LPP: variants seen among roughly 807,000 people sequenced by gnomAD.
LPP encodes LIM domain containing preferred translocation partner in lipoma.
Under a neutral mutation model 60.4 loss-of-function variants are expected in LPP, and 38 were observed. That is an observed-to-expected ratio of 0.63 (90% CI 0.49 to 0.83). The LOEUF is 0.83. LPP is among the 40% of genes least tolerant of loss of function. The probability of loss-of-function intolerance (pLI) is 0.00; values close to 1 mark genes in which losing one functional copy is unlikely to be tolerated. For missense variants in LPP, 902 were observed against 783.6 expected, an observed-to-expected ratio of 1.15 and a Z score of -1.80; for synonymous variants, 328 against 290.8, an observed-to-expected ratio of 1.13 and a Z score of -1.30.
At chr3:188,671,594 T>C (rs1052386104) in intron 7 of LPP, among the ~76,000 whole-genome samples, 20 of 152,220 alleles carry the variant, frequency 1.3e-4, no homozygotes, top group Non-Finnish European at 5.9e-5. Context: ...ATCTGCTCCA[T>C]GGCCCCCTTT....
chr3:188,159,189 G>A (rs1021390270), intron 1 of LPP, among the ~76,000 whole-genome samples: 1 of 152,092 alleles, frequency 6.6e-6, no homozygotes, highest in African/African-American at 2.4e-5. Flanking sequence ...TTGATCTCAC[G>A]GCTCCGGTAA....
intron 7 of LPP, among the ~76,000 whole-genome samples, chr3:188,681,082 C>T (rs973568849): frequency 6.6e-6 from 1 of 151,310 alleles, no homozygotes; most frequent in Admixed American, 6.6e-5. Flanking sequence ...CTGCAATCAC[C>T]GCCTCCTGGG....
chr3:188,647,421 A>G (rs1427229889), intron 7 of LPP, among the ~76,000 whole-genome samples: 1 of 152,098 alleles, frequency 6.6e-6, no homozygotes, highest in Non-Finnish European at 1.5e-5. Flanking sequence ...AGGACTGTAA[A>G]CAGAAGACTT....
At chr3:188,607,570 C>T (rs1329720070) in intron 6 of LPP, among the ~76,000 whole-genome samples, 2 of 151,782 alleles carry the variant, frequency 1.3e-5, no homozygotes, top group African/African-American at 4.8e-5. Context: ...CAATTAAATA[C>T]ATAGTGAATC....
In LPP at chr3:188,610,327, G is replaced by C. The variant is rs1843427327; in HGVS notation, c.1113+483G>C. Among the ~76,000 whole-genome samples, 1 of 152,162 alleles carries C rather than the reference G, an allele frequency of 6.6e-6. No individual in the cohort carries two copies. Among genetic ancestry groups the C allele is most frequent in the African/African-American group, 2.4e-5 (1 of 41,432 alleles). ...ACTGAGTGAACTGCTGTCAGGCTGTGGCCCTGTGAAGGCGATTATAACTCC... is the reference window on the plus strand; with the variant it reads ...ACTGAGTGAACTGCTGTCAGGCTGTCGCCCTGTGAAGGCGATTATAACTCC... On this transcript the variant is annotated intron_variant, in intron 7 of 11. Transcript: ENST00000617246. This position sits in a 1 kb window ranked among gnomAD's most constrained non-coding sequence, Gnocchi z 4.4.
intron 4 of LPP, among the ~76,000 whole-genome samples, chr3:188,478,970 T>A (rs1314860391): frequency 1.3e-5 from 2 of 152,100 alleles, no homozygotes; most frequent in Non-Finnish European, 2.9e-5. Flanking sequence ...CCCAGGCTGG[T>A]CTTGAACTCC....
At chr3:188,463,436 A>T (rs2149456604) in intron 4 of LPP, among the ~76,000 whole-genome samples, 1 of 151,850 alleles carries the variant, frequency 6.6e-6, no homozygotes, top group Middle Eastern at 3.4e-3. Flanking sequence ...CCTCAGGTTG[A>T]TCCTCAAGTG....
chr3:188,450,106 A>G (rs1361830742), intron 4 of LPP, among the ~76,000 whole-genome samples: 1 of 152,198 alleles, frequency 6.6e-6, no homozygotes, highest in African/African-American at 2.4e-5. Flanking sequence ...CCCAACCTGT[A>G]TTATGAATTA....
intron 4 of LPP, among the ~76,000 whole-genome samples, chr3:188,462,244 A>T (rs1316742752): frequency 6.6e-6 from 1 of 151,396 alleles, no homozygotes; most frequent in African/African-American, 2.4e-5. Context: ...TATTATTATT[A>T]TTATTATTCT....
chr3:188,510,901 C>A (rs966497019), intron 5 of LPP, among the ~76,000 whole-genome samples: 14 of 152,058 alleles, frequency 9.2e-5, no homozygotes, highest in African/African-American at 3.4e-4. Context: ...TCTCATTTTG[C>A]TTTTTTCTCG....
intron 1 of LPP, among the ~76,000 whole-genome samples, chr3:188,201,313 G>T (rs1731016786): frequency 6.6e-6 from 1 of 152,216 alleles, no homozygotes; most frequent in Non-Finnish European, 1.5e-5. Context: ...CCAGGGAAGA[G>T]AGATTATTCT....
intron 3 of LPP, among the ~76,000 whole-genome samples, chr3:188,357,712 AAC>A (rs1025044441): frequency 6.6e-6 from 1 of 152,246 alleles, no homozygotes; most frequent in African/African-American, 2.4e-5. Context: ...GTTTAAATAA[AAC>A]AGAAAGCATT....
intron 5 of LPP, among the ~76,000 whole-genome samples, chr3:188,488,020 CTTTT>C (rs5855202): frequency 2.2e-5 from 3 of 136,348 alleles, no homozygotes; most frequent in Non-Finnish European, 1.6e-5. Flanking sequence ...AATTAATTTC[CTTTT>C]TTTTTTTTTT....
chr3:188,790,254 A>G (rs1010392971), intron 9 of LPP, among the ~76,000 whole-genome samples: 4 of 152,178 alleles, frequency 2.6e-5, no homozygotes, highest in African/African-American at 9.7e-5. Context: ...TTTAGGAAAA[A>G]ACAAGGTACA....
chr3:188,588,198 G>A (rs1463387071), intron 6 of LPP, among the ~76,000 whole-genome samples: 1 of 152,108 alleles, frequency 6.6e-6, no homozygotes, highest in East Asian at 1.9e-4. Context: ...TGCAAGCTGT[G>A]TTTTTCAAGA....
At chr3:188,623,099 T>TA (rs11281113) in intron 7 of LPP, among the ~76,000 whole-genome samples, 14 of 149,742 alleles carry the variant, frequency 9.3e-5, no homozygotes, top group South Asian at 2.1e-4. Flanking sequence ...CCCCCATGAT[T>TA]GTATGGATGA....
chr3:188,729,282 G>T (rs1719561590), intron 8 of LPP, among the ~76,000 whole-genome samples: 1 of 152,206 alleles, frequency 6.6e-6, no homozygotes, highest in Admixed American at 6.5e-5. Flanking sequence ...GGACAAGGAA[G>T]GATAGAGAGT....
intron 8 of LPP, among the ~76,000 whole-genome samples, chr3:188,713,878 T>C (rs1423893807): frequency 6.6e-6 from 1 of 152,246 alleles, no homozygotes; most frequent in African/African-American, 2.4e-5. Flanking sequence ...ACAGTGGGTC[T>C]TTGAAATTTC....
chr3:188,497,305 G>C (rs550344300), intron 5 of LPP, among the ~76,000 whole-genome samples: 33 of 152,204 alleles, frequency 2.2e-4, no homozygotes, highest in African/African-American at 7.0e-4. Context: ...TGGTATGATA[G>C]TATGATAATT....
Sources: gnomAD v4.1 joint callset for allele counts (sites outside exome capture counted in the v4.1 genomes callset) on GRCh38, gnomAD v4.1.1 for gene constraint, Gnocchi (gnomAD v3.1) non-coding constraint, MANE v1.5 for transcripts, NCBI Gene and HGNC (gene_info 2026-07-23, HGNC 2026-07-21) for gene names.